RMDN2: variants seen among roughly 807,000 people sequenced by gnomAD.
RMDN2 encodes regulator of microtubule dynamics protein 2.
Under a neutral mutation model 52.8 loss-of-function variants are expected in RMDN2, and 61 were observed. The observed-to-expected ratio is 1.16, with a 90% CI of 0.94 to 1.43. The LOEUF is 1.43. RMDN2 is among the 40% of genes most tolerant of loss of function. RMDN2 has a pLI of 0.00. For missense variants in RMDN2, 592 were observed against 475.3 expected, an observed-to-expected ratio of 1.25 and a Z score of -2.28; for synonymous variants, 180 against 153.1, an observed-to-expected ratio of 1.18 and a Z score of -1.30.
intron 3 of RMDN2, chr2:37,974,730 G>A (rs577264126): frequency 2.0e-5 from 3 of 152,836 alleles, no homozygotes; most frequent in Admixed American, 6.5e-5. Flanking sequence ...TGAGGATTTA[G>A]CAACTCTAAA....
intron 2 of RMDN2, among the ~76,000 whole-genome samples, chr2:37,932,562 T>C (rs1482485396): frequency 2.0e-5 from 3 of 151,480 alleles, no homozygotes; most frequent in African/African-American, 7.3e-5. Flanking sequence ...TGGCCCATTC[T>C]CAATGAGCTG....
intron 1 of RMDN2, among the ~76,000 whole-genome samples, chr2:37,927,566 G>C (rs1476689343): frequency 6.6e-6 from 1 of 152,064 alleles, no homozygotes; most frequent in Non-Finnish European, 1.5e-5. Context: ...TTCAAACTAG[G>C]CTATATTTCT....
At chr2:37,993,213 C>T (rs1362899682) in intron 7 of RMDN2, among the ~76,000 whole-genome samples, 2 of 152,322 alleles carry the variant, frequency 1.3e-5, no homozygotes, top group Admixed American at 1.3e-4. Context: ...GCATGAACCA[C>T]CGCACCTGGC....
At chr2:37,947,188 C>G (rs907569426) in intron 2 of RMDN2, among the ~76,000 whole-genome samples, 2 of 152,058 alleles carry the variant, frequency 1.3e-5, no homozygotes, top group African/African-American at 4.8e-5. Context: ...TTTCTCATCC[C>G]TCACCTCCTC....
chr2:37,992,195 C>T (rs535350527), intron 7 of RMDN2, among the ~76,000 whole-genome samples: 18 of 152,264 alleles, frequency 1.2e-4, no homozygotes, highest in East Asian at 1.2e-3. Flanking sequence ...AGAACCTTCC[C>T]AAAGTCCCAT....
intron 10 of RMDN2, among the ~76,000 whole-genome samples, chr2:38,039,087 C>CAG (rs1205842525): frequency 1.5e-3 from 171 of 113,790 alleles, no homozygotes; most frequent in African/African-American, 6.3e-3. Flanking sequence ...CACACACACA[C>CAG]ACACACAGAG....
Position 38,004,060 on chromosome 2 carries a change from G to T in RMDN2, c.1098+16G>T, listed in dbSNP as rs1011462155. ...CTTAGCAAAGGTAATGAAGACCACT[G>T]TTCTGCTTTAAGATCACTTTGAACC... On this transcript the variant is annotated intron_variant, in intron 9 of 10. Transcript: ENST00000354545. The T allele has an allele frequency of 1.9e-6, 3 of 1,610,268 alleles. No individual in the cohort carries two copies. Among genetic ancestry groups the T allele is most frequent in the South Asian group, 1.1e-5 (1 of 90,998 alleles).
chr2:37,933,317 A>G (rs373692386), intron 2 of RMDN2, among the ~76,000 whole-genome samples: 2 of 150,652 alleles, frequency 1.3e-5, no homozygotes, highest in Admixed American at 1.3e-4. Context: ...GGCTCCTCAC[A>G]TCCCAGACGA....
intron 2 of RMDN2, chr2:37,951,193 C>T (rs1284954914): frequency 6.6e-7 from 1 of 1,513,740 alleles, no homozygotes; most frequent in Non-Finnish European, 8.8e-7. Context: ...CACTCTGCTC[C>T]CTATTTTTTT....
intron 2 of RMDN2, among the ~76,000 whole-genome samples, chr2:37,958,149 A>G (rs543922253): frequency 6.6e-6 from 1 of 152,270 alleles, no homozygotes; most frequent in African/African-American, 2.4e-5. Context: ...GTTTCATATG[A>G]AGTTTAAAGT....
At chr2:37,967,817 T>A (rs904842829) in intron 2 of RMDN2, among the ~76,000 whole-genome samples, 5 of 152,256 alleles carry the variant, frequency 3.3e-5, no homozygotes, top group African/African-American at 9.6e-5. Context: ...TTAAAAAAAA[T>A]TTTTTAAAGC....
chr2:37,944,454 T>G (rs750245885), intron 2 of RMDN2, among the ~76,000 whole-genome samples: 19 of 152,202 alleles, frequency 1.2e-4, no homozygotes, highest in Non-Finnish European at 2.4e-4. Flanking sequence ...CAATAAAACT[T>G]TATTTACAAA....
At chr2:38,029,601 C>G (rs148952130) in intron 10 of RMDN2, 7 of 148,740 alleles carry the variant, frequency 4.7e-5, no homozygotes, top group African/African-American at 1.8e-4. Flanking sequence ...TCACGTGTTC[C>G]TAAGTTTCCT....
At chr2:37,962,202 T>A (rs186236485) in intron 2 of RMDN2, among the ~76,000 whole-genome samples, 31 of 152,334 alleles carry the variant, frequency 2.0e-4, no homozygotes, top group Admixed American at 5.9e-4. Flanking sequence ...ATCTGTCCCT[T>A]AGCATAGCTC....
intron 10 of RMDN2, among the ~76,000 whole-genome samples, chr2:38,027,861 C>G (rs1679894720): frequency 6.6e-6 from 1 of 152,166 alleles, no homozygotes; most frequent in African/African-American, 2.4e-5. Context: ...GCATTAATAG[C>G]TAAGCCCTAA....
intron 10 of RMDN2, among the ~76,000 whole-genome samples, chr2:38,049,790 A>T (rs111346938): frequency 6.6e-6 from 1 of 152,162 alleles, no homozygotes; most frequent in East Asian, 1.9e-4. Context: ...ACTGGTCTCG[A>T]ACTCCTGGTC....
intron 4 of RMDN2, among the ~76,000 whole-genome samples, chr2:37,977,403 C>A (rs539488136): frequency 6.6e-6 from 1 of 151,816 alleles, no homozygotes; most frequent in South Asian, 2.1e-4. Context: ...TCCTCACTTC[C>A]CAGACGGGTC....
Position 37,929,507 on chromosome 2 carries a change from A to T in RMDN2, c.230A>T (p.Glu77Val). ...CAAGAAAGGCAACTTCAGATACTGGAGAAGTTAAACGAATTACTGACAAAT... is the reference window on the plus strand; with the variant it reads ...CAAGAAAGGCAACTTCAGATACTGGTGAAGTTAAACGAATTACTGACAAAT... Reference protein sequence around the residue: ...IFQERQLQILEKLNELLTNME... With the variant: ...IFQERQLQILVKLNELLTNME... Residue 77 changes from glutamate to valine, a missense_variant, in exon 2 of 11, where the codon GAG becomes GTG. Physicochemically the swap from Glu to Val is moderately radical, Grantham distance 121. Coordinates refer to ENST00000354545, the MANE Select transcript of RMDN2 (RefSeq NM_001170791.3). 6.4e-7 allele frequency: 1 copy of T among 1,551,150 alleles called. No individual in the cohort carries two copies. Among genetic ancestry groups the T allele is most frequent in the Non-Finnish European group, 8.7e-7 (1 of 1,146,316 alleles).
At chr2:37,941,474 T>G (rs528264742) in intron 2 of RMDN2, among the ~76,000 whole-genome samples, 1 of 152,218 alleles carries the variant, frequency 6.6e-6, no homozygotes, top group Non-Finnish European at 1.5e-5. Context: ...AATATTTAAG[T>G]CTGCTGAAGC....
Sources: gnomAD v4.1 joint callset for allele counts (sites outside exome capture counted in the v4.1 genomes callset) on GRCh38, gnomAD v4.1.1 for gene constraint, MANE v1.5 for transcripts, NCBI Gene and HGNC (gene_info 2026-07-23, HGNC 2026-07-21) for gene names.